METTL8: variants seen among roughly 807,000 people sequenced by gnomAD.
The protein encoded by METTL8 is methyltransferase 8, tRNA N3-cytidine.
Under a neutral mutation model 48.7 loss-of-function variants are expected in METTL8, and 32 were observed. That is an observed-to-expected ratio of 0.66 (90% CI 0.50 to 0.88). The LOEUF is 0.88. Among genes scored for constraint, METTL8 ranks in the 40% least tolerant of loss-of-function variants. METTL8 has a pLI of 0.00. For missense variants in METTL8, 464 were observed against 474.4 expected (o/e 0.98, Z 0.20); for synonymous variants, 136 against 157.1 (o/e 0.87, Z 1.01).
At chr2:171,428,516 T>C (rs1010222555) in intron 1 of METTL8, among the ~76,000 whole-genome samples, 2 of 152,166 alleles carry the variant, frequency 1.3e-5, no homozygotes, top group East Asian at 3.8e-4. Flanking sequence ...AGTACTTAGC[T>C]GTTGATAATA....
chr2:171,428,108 A>G (rs573553892), intron 1 of METTL8, among the ~76,000 whole-genome samples: 80 of 152,336 alleles, frequency 5.3e-4, no homozygotes, highest in South Asian at 2.1e-3. Context: ...TTCTGTAAAC[A>G]TAACACAGAC....
At chr2:171,387,367 G>A (rs961958101) in intron 2 of METTL8, among the ~76,000 whole-genome samples, 11 of 151,866 alleles carry the variant, frequency 7.2e-5, no homozygotes, top group Admixed American at 3.9e-4. Flanking sequence ...ATCCAGCGAG[G>A]GGGACATAGG....
Position 171,356,952 on chromosome 2 carries a change from A to ATGTTTTTTTT in METTL8, c.235+3469_235+3470insAAAAAAAACA. Among the ~76,000 whole-genome samples the ATGTTTTTTTT allele has an allele frequency of 7.1e-4, 56 of 78,470 alleles. 15 individuals are homozygous for ATGTTTTTTTT. Among genetic ancestry groups the ATGTTTTTTTT allele is most frequent in the East Asian group, 1.3e-3 (3 of 2,320 alleles). 51.5% of individuals were successfully genotyped at this position (78,470 alleles called of 152,430 possible). ...CAAATTAGCCTTGTTCAAAGACAATATTTTTTTTTTTTTTTTTGAGACAGG... is the reference window on the plus strand; with the variant it reads ...CAAATTAGCCTTGTTCAAAGACAATATGTTTTTTTTTTTTTTTTTTTTTTTTTGAGACAGG... On this transcript the variant is annotated intron_variant, in intron 3 of 9. Transcript: ENST00000375258.
At chr2:171,324,528 C>G (rs560445410) in intron 9 of METTL8, among the ~76,000 whole-genome samples, 166 bp from the exon 10 acceptor site, 1 of 152,276 alleles carries the variant, frequency 6.6e-6, no homozygotes, top group South Asian at 2.1e-4. Context: ...CGAGTTTCTT[C>G]TATTTCACAA....
chr2:171,317,784 C>T lies in METTL8; in HGVS notation c.*6388G>A, dbSNP rs1684334382. The T allele has an allele frequency of 6.6e-6, 1 of 152,238 alleles. No individual in the cohort carries two copies. The highest frequency in any genetic ancestry group is 2.4e-5 in the African/African-American group (1 of 41,452). The allele number at this position is 152,238 out of a possible 1,614,324, so 9.4% of individuals were successfully genotyped here. On this transcript the variant is annotated 3_prime_UTR_variant, in exon 10 of 10. Coordinates refer to ENST00000375258, the MANE Select transcript of METTL8 (RefSeq NM_001321154.2). ...AGCTCCAGGGGCAGCTGAGGGTGGG[C>T]TGTCTGACCATCTGGAGATTTCAGT...
chr2:171,406,113 T>C (rs779184093), intron 1 of METTL8, among the ~76,000 whole-genome samples: 1 of 152,176 alleles, frequency 6.6e-6, no homozygotes, highest in African/African-American at 2.4e-5. Flanking sequence ...AGAGTGGACA[T>C]GATTGAAGCC....
chr2:171,362,886 C>T (rs999850626), intron 2 of METTL8, among the ~76,000 whole-genome samples: 2 of 151,934 alleles, frequency 1.3e-5, no homozygotes, highest in Non-Finnish European at 2.9e-5. Context: ...AATACAATTA[C>T]GTGACAGTTG....
chr2:171,371,089 A>G (rs1238016120), intron 2 of METTL8, among the ~76,000 whole-genome samples: 2 of 152,232 alleles, frequency 1.3e-5, no homozygotes, highest in East Asian at 1.9e-4. Context: ...TTTCAGCTAC[A>G]ATTTTAAGAT....
chr2:171,420,973 T>C (rs1181974114), intron 1 of METTL8, among the ~76,000 whole-genome samples: 1 of 152,192 alleles, frequency 6.6e-6, no homozygotes, highest in African/African-American at 2.4e-5. Context: ...ATTCCCTTTA[T>C]AAACATGAAT....
At chr2:171,351,088 T>C (rs1474962600) in intron 3 of METTL8, among the ~76,000 whole-genome samples, 1 of 152,244 alleles carries the variant, frequency 6.6e-6, no homozygotes, top group Non-Finnish European at 1.5e-5. Context: ...AGGGTTTTTA[T>C]GGTTTTAGGA....
chr2:171,393,219 G>C (rs1332881384), intron 1 of METTL8, among the ~76,000 whole-genome samples: 1 of 151,896 alleles, frequency 6.6e-6, no homozygotes, highest in Non-Finnish European at 1.5e-5. Context: ...CCAAGAGTTA[G>C]AGACCAGCCT....
At chr2:171,374,269 A>C (rs1175210501) in intron 2 of METTL8, among the ~76,000 whole-genome samples, 1 of 152,184 alleles carries the variant, frequency 6.6e-6, no homozygotes, top group African/African-American at 2.4e-5. Context: ...ATTGGCATAT[A>C]AGAATGCTTG....
chr2:171,413,302 T>C (rs548173274), intron 1 of METTL8, among the ~76,000 whole-genome samples: 8 of 152,204 alleles, frequency 5.3e-5, no homozygotes, highest in Non-Finnish European at 1.0e-4. Flanking sequence ...TAACCACTTA[T>C]AAAATATATC....
At chr2:171,402,647 G>C (rs1303478143) in intron 1 of METTL8, among the ~76,000 whole-genome samples, 1 of 152,104 alleles carries the variant, frequency 6.6e-6, no homozygotes, top group Admixed American at 6.6e-5. Context: ...TCATCTGAGA[G>C]GGCCTAGAAG....
intron 2 of METTL8, among the ~76,000 whole-genome samples, chr2:171,386,836 C>G (rs980949937): frequency 6.6e-6 from 1 of 151,952 alleles, no homozygotes; most frequent in African/African-American, 2.4e-5. Flanking sequence ...ACAATCCCCT[C>G]CCCCCAGACC....
chr2:171,352,677 T>A (rs1047657324), intron 3 of METTL8, among the ~76,000 whole-genome samples: 1 of 152,256 alleles, frequency 6.6e-6, no homozygotes, highest in Admixed American at 6.5e-5. Context: ...GGATTCAACT[T>A]CTTCCTGGTT....
At chr2:171,365,872 A>G (rs1269613621) in intron 2 of METTL8, among the ~76,000 whole-genome samples, 23 of 152,210 alleles carry the variant, frequency 1.5e-4, no homozygotes, top group Admixed American at 1.5e-3. Context: ...GAAAAACACA[A>G]AAGGTGAGTC....
At chr2:171,432,641 A>G (rs1693198035) in intron 1 of METTL8, among the ~76,000 whole-genome samples, 1 of 152,210 alleles carries the variant, frequency 6.6e-6, no homozygotes. Flanking sequence ...ACTCTACCGT[A>G]TGCTGTAAAT....
rs116359312 is a variant in METTL8 at position 171,431,178 on chromosome 2, C to T, written c.-13+2705G>A. 4.2e-3 allele frequency among the ~76,000 whole-genome samples: 634 copies of T among 152,300 alleles called. 4 individuals are homozygous for T. The highest frequency in any genetic ancestry group is 0.014 in the African/African-American group (597 of 41,562). On this transcript the variant is annotated intron_variant, in intron 1 of 9. Coordinates refer to ENST00000375258, the MANE Select transcript of METTL8 (RefSeq NM_001321154.2). ...GTGCTTACACCAGATGTTTTGTGCA[C>T]ATAAGGGAATTTGCACAGGGGGCTT...
Sources: allele counts gnomAD v4.1 joint callset (sites outside exome capture counted in the v4.1 genomes callset), GRCh38; gene constraint gnomAD v4.1.1; transcripts MANE v1.5; gene names NCBI Gene and HGNC (gene_info 2026-07-23, HGNC 2026-07-21).